The following LAMB1 variants were observed in gnomAD, a reference collection of about 807,000 sequenced individuals.
The protein encoded by LAMB1 is laminin subunit beta-1.
In LAMB1, 121 loss-of-function variants were observed where a neutral mutation model predicts 222.3. The observed-to-expected ratio is 0.54, with a 90% confidence interval of 0.47 to 0.63. LAMB1 has a LOEUF of 0.63. Ranked by LOEUF, LAMB1 falls within the 30% of genes least tolerant of loss-of-function variation. The probability of loss-of-function intolerance (pLI) is 0.00; values close to 1 mark genes in which losing one functional copy is unlikely to be tolerated. For missense variants in LAMB1, 2,172 were observed against 2,240.8 expected (o/e 0.97, Z 0.62); for synonymous variants, 794 against 807.2 (o/e 0.98, Z 0.28).
chr7:107,968,176 C>CGG (rs2033671897), intron 13 of LAMB1, among the ~76,000 whole-genome samples: 1 of 152,154 alleles, frequency 6.6e-6, no homozygotes, highest in African/African-American at 2.4e-5. Flanking sequence ...TTTCAAAACT[C>CGG]AAGCACAAAT....
chr7:107,924,429 A>G, intron 32 of LAMB1, 40 bp from the exon 33 acceptor site: 1 of 1,497,784 alleles, frequency 6.7e-7, no homozygotes, highest in African/African-American at 1.4e-5. Context: ...TGGTAATGTT[A>G]GTGTCAGTAA....
intron 27 of LAMB1, 128 bp downstream of exon 27, chr7:107,935,287 G>C (rs2116337124): frequency 7.1e-7 from 1 of 1,402,388 alleles, no homozygotes; most frequent in East Asian, 2.3e-5. Flanking sequence ...AGGAGTTTCA[G>C]TCCTGCTGAT....
At position 107,940,256 on chromosome 7, in the gene LAMB1, C is replaced by T. The variant is rs1203248015; in HGVS notation, c.3494G>A (p.Cys1165Tyr). The change falls in exon 25 of 34, where the codon TGC (cysteine) becomes TAC (tyrosine). Residue 1165 changes from cysteine (C) to tyrosine (Y), a missense_variant. Coordinates refer to ENST00000222399, the MANE Select transcript of LAMB1 (RefSeq NM_002291.3). The stretch of plus-strand genomic sequence containing the variant: ...GAAGACCCCCGAGTACCCTCGCGTG[C>T]ACTTGTCACAGCGTGGACCCTCAAC... ...EGVEGPRCDK[C>Y]TRGYSGVFPD... 2 of 1,614,226 alleles carry T rather than the reference C, an allele frequency of 1.2e-6. No individual in the cohort carries two copies. The highest frequency in any genetic ancestry group is 1.1e-5 in the South Asian group (1 of 91,084).
intron 5 of LAMB1, among the ~76,000 whole-genome samples, chr7:107,991,747 A>G (rs1383919972): frequency 2.6e-5 from 4 of 152,040 alleles, no homozygotes; most frequent in East Asian, 3.9e-4. Context: ...TGTCTCTACT[A>G]AAAATACAAA....
intron 26 of LAMB1, among the ~76,000 whole-genome samples, 195 bp downstream of exon 26, chr7:107,936,898 C>T (rs1258681591): frequency 1.3e-5 from 2 of 152,022 alleles, no homozygotes; most frequent in African/African-American, 4.8e-5. Flanking sequence ...TTTGCTATGT[C>T]TCTTAGGTTC....
chr7:107,971,432 C>A (rs2033746490), intron 13 of LAMB1, among the ~76,000 whole-genome samples: 1 of 152,246 alleles, frequency 6.6e-6, no homozygotes, highest in Non-Finnish European at 1.5e-5. Context: ...CTGTGCACAT[C>A]TCCCAGTAGA....
intron 22 of LAMB1, 62 bp from the exon 23 acceptor site, chr7:107,952,285 T>C: frequency 8.1e-7 from 1 of 1,237,078 alleles, no homozygotes; most frequent in South Asian, 1.4e-5. Flanking sequence ...ATGCGGATGT[T>C]AGCCACATCT....
intron 23 of LAMB1, 106 bp from the exon 24 acceptor site, chr7:107,951,428 GAGA>G: frequency 3.1e-6 from 3 of 960,082 alleles, no homozygotes; most frequent in South Asian, 3.1e-5. Context: ...CTGTTTACCT[GAGA>G]AGGTCTCCAT....
At position 107,952,168 on chromosome 7, in the gene LAMB1, GCAGT is replaced by G. The variant is rs2033270447; in HGVS notation, c.3131_3134del (p.Asp1044AlafsTer16). 1.2e-6 allele frequency: 2 copies of G among 1,613,384 alleles called. No individual in the cohort carries two copies. The highest frequency in any genetic ancestry group is 8.5e-7 in the Non-Finnish European group (1 of 1,179,544). On this transcript the variant is annotated frameshift_variant, in exon 23 of 34. Transcript: ENST00000222399. LOFTEE classifies it high-confidence loss of function. ...ACTGACCAGTGGCTTTGTCGCACTGGCAGTCAGAGCCGTTACAGTGCTCTTGCAC... is the reference window on the plus strand; with the variant it reads ...ACTGACCAGTGGCTTTGTCGCACTGGCAGAGCCGTTACAGTGCTCTTGCAC...
intron 7 of LAMB1, among the ~76,000 whole-genome samples, chr7:107,985,437 C>T (rs562156424): frequency 9.9e-5 from 15 of 151,248 alleles, no homozygotes; most frequent in Admixed American, 2.0e-4. Context: ...CCAGCCTGGC[C>T]AACATGGTGA....
chr7:107,951,187 C>T, intron 24 of LAMB1, 39 bp downstream of exon 24: 1 of 1,501,936 alleles, frequency 6.7e-7, no homozygotes, highest in Non-Finnish European at 9.3e-7. Flanking sequence ...GTTCCCTCCA[C>T]TCTCTGATCA....
At chr7:107,936,478 T>A (rs1266072660) in intron 26 of LAMB1, 1 of 152,310 alleles carries the variant, frequency 6.6e-6, no homozygotes, top group East Asian at 1.9e-4. Context: ...CTTGACCACC[T>A]GTGGATTTTG....
chr7:107,986,032 T>C lies in LAMB1; in HGVS notation c.666A>G (p.Pro222=), dbSNP rs2034070069. 2 of 1,607,574 alleles carry C rather than the reference T, an allele frequency of 1.2e-6. No individual in the cohort carries two copies. The highest frequency in any genetic ancestry group is 1.7e-6 in the Non-Finnish European group (2 of 1,174,158). The part of the protein sequence containing the change: ...PAFKIEDPYS[P]RIQNLLKITN... ...TGAAAATGAACTTACTCTGTATCCT[T>C]GGGCTATAAGGATCTTCTATTTTGA... Residue 222 remains proline (P), a synonymous_variant, in exon 7 of 34, where the codon CCA becomes CCG. Coordinates refer to ENST00000222399, the MANE Select transcript of LAMB1 (RefSeq NM_002291.3).
At chr7:107,970,508 G>C (rs1019874579) in intron 13 of LAMB1, among the ~76,000 whole-genome samples, 1 of 147,614 alleles carries the variant, frequency 6.8e-6, no homozygotes, top group Non-Finnish European at 1.5e-5. Flanking sequence ...AAAAAAAAGG[G>C]GGGGGTGGGC....
intron 28 of LAMB1, 187 bp from the exon 29 acceptor site, chr7:107,931,687 C>T: frequency 3.3e-6 from 2 of 598,298 alleles, no homozygotes; most frequent in Non-Finnish European, 2.9e-6. Context: ...TATAGAGATT[C>T]CTAAACAGTA....
chr7:107,931,658 A>T, intron 28 of LAMB1, 158 bp from the exon 29 acceptor site: 1 of 676,814 alleles, frequency 1.5e-6, no homozygotes, highest in Non-Finnish European at 2.5e-6. Flanking sequence ...ATTGTATCTT[A>T]CAGACTGCAA....
At chr7:107,954,786 G>A (rs539464394) in intron 21 of LAMB1, among the ~76,000 whole-genome samples, 139 of 152,056 alleles carry the variant, frequency 9.1e-4, no homozygotes, top group Non-Finnish European at 5.7e-4. Context: ...GTGAGACCCC[G>A]TCTCAAAAAC....
chr7:107,924,494 C>G (rs2032512816), intron 32 of LAMB1, 105 bp from the exon 33 acceptor site: 2 of 760,220 alleles, frequency 2.6e-6, no homozygotes, highest in Non-Finnish European at 3.9e-6. Flanking sequence ...TAAGGGCCAC[C>G]AAGGATATTC....
rs577248129 is a variant in LAMB1 at position 107,985,912 on chromosome 7, G to C, written c.676+110C>G. On this transcript the variant is annotated intron_variant, in intron 7 of 33. Transcript: ENST00000222399. ...GCGGAGGTTGCAATGAGCAGAGATC[G>C]CACCATTGCACTCCAGCCTGGGCAA... is the stretch of plus-strand genomic sequence containing the variant. The C allele has an allele frequency of 4.1e-5, 32 of 786,410 alleles. No individual in the cohort carries two copies. The African/African-American group carries it at 4.5e-4, about 11-fold the overall frequency. 48.7% of individuals were successfully genotyped at this position (786,410 alleles called of 1,614,324 possible).
Sources: gnomAD v4.1 joint callset for allele counts (sites outside exome capture counted in the v4.1 genomes callset) on GRCh38, gnomAD v4.1.1 for gene constraint, MANE v1.5 for transcripts, NCBI Gene and HGNC (gene_info 2026-07-23, HGNC 2026-07-21) for gene names.